CLCN5: variants seen among roughly 807,000 people sequenced by gnomAD.
CLCN5 encodes the protein Cl-/H+ antiporter 5.
Under a neutral mutation model 54.0 loss-of-function variants are expected in CLCN5, and 17 were observed. The observed-to-expected ratio is 0.31, with a 90% CI of 0.22 to 0.47. The LOEUF (loss-of-function observed/expected upper bound fraction) is 0.47. CLCN5 is among the 20% of genes least tolerant of loss of function. CLCN5 has a pLI of 1.00. For missense variants in CLCN5, 448 were observed against 646.7 expected, an observed-to-expected ratio of 0.69 and a Z score of 3.33; for synonymous variants, 222 against 233.0, an observed-to-expected ratio of 0.95 and a Z score of 0.43.
chrX:50,014,616 C>A (rs782685418), intron 3 of CLCN5: 1 of 358,194 alleles, frequency 2.8e-6, no homozygotes, highest in East Asian at 8.5e-5. Context: ...CTCTCTAATC[C>A]TTGCTATCTG....
intron 14 of CLCN5, among the ~76,000 whole-genome samples, chrX:50,091,618 G>C (rs1305660517): frequency 2.7e-5 from 3 of 112,036 alleles, no homozygotes; most frequent in Non-Finnish European, 5.6e-5. Flanking sequence ...TACTCCACTG[G>C]ATTCCAGGGA....
At chrX:49,935,222 T>C (rs1557169454) in intron 3 of CLCN5, among the ~76,000 whole-genome samples, 1 of 111,836 alleles carries the variant, frequency 8.9e-6, no homozygotes, top group Non-Finnish European at 1.9e-5. Context: ...TTACCTGCAG[T>C]CCACCCCTGC....
intron 3 of CLCN5, among the ~76,000 whole-genome samples, chrX:49,950,995 G>T (rs782548119): frequency 3.6e-5 from 4 of 111,080 alleles, no homozygotes; most frequent in African/African-American, 1.3e-4. Flanking sequence ...GTTATTTTTG[G>T]TACCTATTAA....
intron 6 of CLCN5, 71 bp downstream of exon 6, chrX:50,072,659 C>A: frequency 1.3e-6 from 1 of 770,746 alleles, no homozygotes; most frequent in Non-Finnish European, 2.0e-6. Context: ...AAGTCCTGAG[C>A]TGAGTCACGT....
At chrX:50,047,966 A>AT (rs1169696521) in intron 4 of CLCN5, among the ~76,000 whole-genome samples, 1 of 111,647 alleles carries the variant, frequency 9.0e-6, no homozygotes, top group Non-Finnish European at 1.9e-5. Flanking sequence ...CTGTAAAACT[A>AT]TTTTTTCTTC....
intron 4 of CLCN5, chrX:50,067,556 A>C (rs1461304682): frequency 9.4e-6 from 7 of 746,394 alleles, no homozygotes; most frequent in Non-Finnish European, 1.1e-5. Flanking sequence ...TCCAACAGTG[A>C]CATCACATTC....
At chrX:49,933,239 A>G (rs1569536639) in intron 3 of CLCN5, among the ~76,000 whole-genome samples, 1 of 112,076 alleles carries the variant, frequency 8.9e-6, no homozygotes, top group South Asian at 3.8e-4. Context: ...TTAAAATAAT[A>G]AAGAAATAAA....
intron 8 of CLCN5, 88 bp downstream of exon 8, chrX:50,080,804 A>T (rs1172769435): frequency 1.7e-5 from 13 of 766,862 alleles, no homozygotes; most frequent in Non-Finnish European, 2.4e-5. Flanking sequence ...CACATACCAC[A>T]ATTTGATGAA....
rs782604714 is a variant in CLCN5, at chrX:49,933,156, C to G, written c.16+7842C>G. On this transcript the variant is annotated intron_variant, in intron 3 of 14. Coordinates refer to ENST00000376091, the MANE Select transcript of CLCN5 (RefSeq NM_001127898.4). ...AATAAAGAAGCAGGCAGCCTCCACC[C>G]CCAGCCCCTTTTCCTCTATCTGGCA... Among the ~76,000 whole-genome samples the G allele has an allele frequency of 4.5e-5, 5 of 111,542 alleles. No individual in the cohort carries two copies. In the South Asian group the frequency reaches 1.9e-3, roughly 42 times the overall value.
At chrX:49,991,459 A>G (rs1267080939) in intron 3 of CLCN5, among the ~76,000 whole-genome samples, 1 of 111,932 alleles carries the variant, frequency 8.9e-6, no homozygotes, top group Non-Finnish European at 1.9e-5. Flanking sequence ...GTTCTTTGTC[A>G]GATGCATAGT....
rs782225695 is a variant in CLCN5, at chrX:50,065,726, G to A, written c.164-4153G>A. ...ATACATGCACACGTATGTTCATTGC[G>A]GCATTATTCACAATAGCAAAGACTT... On this transcript the variant is annotated intron_variant, in intron 4 of 14. Transcript: ENST00000376091. Among the ~76,000 whole-genome samples, 54 of 106,017 alleles carry A rather than the reference G, an allele frequency of 5.1e-4. 2 individuals carry two copies. The East Asian group carries it at 0.014, about 27-fold the overall frequency. 92.1% of individuals were successfully genotyped at this position (106,017 alleles called of 115,157 possible). A position where few individuals can be genotyped will look rare whatever the true frequency, so the allele number is the denominator to read the frequency against.
intron 3 of CLCN5, among the ~76,000 whole-genome samples, chrX:50,038,173 A>G (rs1175641142): frequency 8.9e-6 from 1 of 112,137 alleles, no homozygotes; most frequent in Non-Finnish European, 1.9e-5. Context: ...ATAGCAATAG[A>G]TTATAACCCA....
intron 3 of CLCN5, among the ~76,000 whole-genome samples, chrX:50,035,149 G>A (rs149111034): frequency 1.8e-5 from 2 of 111,157 alleles, no homozygotes; most frequent in African/African-American, 3.3e-5. Context: ...TCTCTAGCTA[G>A]CAATCTCCCA....
chrX:50,063,612 C>A (rs1317350526), intron 4 of CLCN5, among the ~76,000 whole-genome samples: 1 of 107,748 alleles, frequency 9.3e-6, no homozygotes, highest in Non-Finnish European at 1.9e-5. Context: ...CCTTCTGAAA[C>A]TATTCCAATC....
In CLCN5 at chrX:50,028,554, T is replaced by C. The variant is rs782356786; in HGVS notation, c.17-13762T>C. 7.1e-5 allele frequency among the ~76,000 whole-genome samples: 8 copies of C among 111,982 alleles called. No individual in the cohort carries two copies. In the East Asian group the frequency reaches 2.2e-3, roughly 31 times the overall value. On this transcript the variant is annotated intron_variant, in intron 3 of 14. Transcript: ENST00000376091. ...GTGTTCCTATGGAGGTTTCTGTTCATGTAAGCTATGAGTCTGTATCCATCT... is the reference window on the plus strand; with the variant it reads ...GTGTTCCTATGGAGGTTTCTGTTCACGTAAGCTATGAGTCTGTATCCATCT...
intron 9 of CLCN5, among the ~76,000 whole-genome samples, 174 bp from the exon 10 acceptor site, chrX:50,085,806 T>C (rs1324362345): frequency 8.0e-5 from 9 of 111,838 alleles, no homozygotes; most frequent in African/African-American, 2.3e-4. Context: ...ATGTGAACTA[T>C]GCATGTGTAT....
intron 3 of CLCN5, among the ~76,000 whole-genome samples, chrX:49,949,004 C>A (rs1400941827): frequency 8.9e-6 from 1 of 111,778 alleles, no homozygotes; most frequent in Admixed American, 9.5e-5. Context: ...GAAAGATTGC[C>A]AATGAGAGTG....
At chrX:50,052,287 A>G (rs1557188459) in intron 4 of CLCN5, among the ~76,000 whole-genome samples, 1 of 112,042 alleles carries the variant, frequency 8.9e-6, no homozygotes, top group African/African-American at 3.2e-5. Context: ...GTCAATGGAT[A>G]TCATATGACT....
chrX:50,057,609 C>G (rs1932779845), intron 4 of CLCN5, among the ~76,000 whole-genome samples: 1 of 33,532 alleles, frequency 3.0e-5, no homozygotes, highest in Non-Finnish European at 5.1e-5. Context: ...ATCCAGGACT[C>G]TCCTGGATAG....
Sources: gnomAD v4.1 joint callset for allele counts (sites outside exome capture counted in the v4.1 genomes callset) on GRCh38, gnomAD v4.1.1 for gene constraint, MANE v1.5 for transcripts, NCBI Gene and HGNC (gene_info 2026-07-23, HGNC 2026-07-21) for gene names.